Variants in MUC4 observed in about 807,000 individuals in gnomAD.
MUC4 encodes mucin 4, cell surface associated.
MUC4 carries 202 observed loss-of-function variants against 257.9 expected under a neutral mutation model. The observed-to-expected ratio is 0.78, with a 90% CI of 0.70 to 0.88. The LOEUF is 0.88. Ranked by LOEUF, MUC4 falls within the 40% of genes least tolerant of loss-of-function variation. The probability of loss-of-function intolerance (pLI) is 0.00; values close to 1 mark genes in which losing one functional copy is unlikely to be tolerated. For missense variants in MUC4, 5,976 were observed against 6,513.7 expected (o/e 0.92, Z 2.84); for synonymous variants, 2,351 against 2,757.1 (o/e 0.85, Z 4.62).
At chr3:195,794,400 G>GAGAGAGAGAGAAAGAA (rs1734303208) in intron 1 of MUC4, among the ~76,000 whole-genome samples, 2 of 151,660 alleles carry the variant, frequency 1.3e-5, no homozygotes, top group African/African-American at 4.9e-5. Context: ...AGAAGAAAGA[G>GAGAGAGAGAGAAAGAA]AGAGAGAGAG....
At chr3:195,750,086 C>T (rs2148747890) in intron 23 of MUC4, 1 of 152,414 alleles carries the variant, frequency 6.6e-6, no homozygotes, top group South Asian at 2.1e-4. Context: ...CTTGCTTGGT[C>T]CCAGACCCAA....
At chr3:195,798,682 T>A (rs371943393) in intron 1 of MUC4, among the ~76,000 whole-genome samples, 4 of 152,114 alleles carry the variant, frequency 2.6e-5, no homozygotes, top group South Asian at 4.1e-4. Context: ...CCTGCCTGGG[T>A]GACAGAGTGA....
In MUC4 at chr3:195,797,037, G is replaced by A. The variant is rs575364550; in HGVS notation, c.83-5540C>T. 3.2e-4 allele frequency among the ~76,000 whole-genome samples: 49 copies of A among 152,284 alleles called. No individual in the cohort carries two copies. In the South Asian group the frequency reaches 9.1e-3, roughly 28 times the overall value. On this transcript the variant is annotated intron_variant, in intron 1 of 24. Transcript: ENST00000463781. ...GCAGGCGGATCACTTGAGGCCGGGA[G>A]TTCCAGACCAGCCTGGCCAACCTAG... is the stretch of plus-strand genomic sequence containing the variant.
In MUC4 at chr3:195,788,930, T is replaced by C; in HGVS notation, c.2650A>G (p.Arg884Gly). 6.2e-7 allele frequency: 1 copy of C among 1,613,588 alleles called. No homozygotes were observed. The highest frequency in any genetic ancestry group is 8.5e-7 in the Non-Finnish European group (1 of 1,179,724). ...GTTGGGCTTGACTGTCCTGTCGGTC[T>C]CCCTGCAGTGGAGGCCTCAGAGAGG... is the stretch of plus-strand genomic sequence containing the variant. The part of the protein sequence containing the change: ...PTLSEASTAG[R>G]PTGQSSPTSP... Residue 884 changes from arginine to glycine, a missense_variant, in exon 2 of 25, where the codon AGA (arginine) becomes GGA (glycine). Physicochemically the swap from Arg to Gly is moderately radical, Grantham distance 125 (BLOSUM62 -2). Transcript: ENST00000463781.
chr3:195,754,780 ATGTG>A (rs556307760), intron 18 of MUC4, among the ~76,000 whole-genome samples: 30 of 151,272 alleles, frequency 2.0e-4, no homozygotes, highest in Admixed American at 1.4e-3. Context: ...CCATGTATGT[ATGTG>A]TGTATCCATG....
At chr3:195,771,929 C>T (rs1722967707) in intron 4 of MUC4, 113 bp from the exon 5 acceptor site, 1 of 1,176,408 alleles carries the variant, frequency 8.5e-7, no homozygotes, top group Non-Finnish European at 1.2e-6. Context: ...TTTAGAGATG[C>T]TAACAACCCC....
chr3:195,783,000 A>C lies in MUC4; in HGVS notation c.8580T>G (p.Gly2860=). The C allele has an allele frequency of 6.7e-7, 1 of 1,500,876 alleles. No individual in the cohort carries two copies. The highest frequency in any genetic ancestry group is 8.9e-7 in the Non-Finnish European group (1 of 1,117,488). The allele number at this position is 1,500,876 out of a possible 1,614,324, so 93.0% of individuals were successfully genotyped here. A position where few individuals can be genotyped will look rare whatever the true frequency, so the allele number is the denominator to read the frequency against. Residue 2860 remains glycine, a synonymous_variant, in exon 2 of 25, where the codon GGT becomes GGG. Transcript: ENST00000463781. Reference sequence around the variant, plus strand: ...CGGTGACAGGAAGAGAGGTGGCGTGACCTGTGGACACTGAGGAAGCGTCGG... The same window carrying C: ...CGGTGACAGGAAGAGAGGTGGCGTGCCCTGTGGACACTGAGGAAGCGTCGG... ...PVTDASSVST[G]HATSLPVTDA...
chr3:195,778,684 G>T (rs977157259), intron 2 of MUC4, 106 bp downstream of exon 2: 118 of 1,369,590 alleles, frequency 8.6e-5, no homozygotes, highest in Admixed American at 2.0e-4. Context: ...ACCTGACACG[G>T]CCCCACCAGG....
At position 195,787,691 on chromosome 3, in the gene MUC4, G is replaced by C; in HGVS notation, c.3889C>G (p.Leu1297Val). ...SSASTGHVTP[L>V]HVTSPSSAST... Reference sequence around the variant, plus strand: ...GCTGAGGAAGGGCTGGTGACATGAAGAGGAGTGACGTGACCTGTGGATGCT... The same window carrying C: ...GCTGAGGAAGGGCTGGTGACATGAACAGGAGTGACGTGACCTGTGGATGCT... The change falls in exon 2 of 25, where the codon CTT (leucine) becomes GTT (valine). Residue 1297 changes from leucine (L) to valine (V), a missense_variant. Around this residue, in one of 44 missense-constraint regions of MUC4, gnomAD observed 19 missense variants for 57.2 expected, o/e 0.33. Transcript: ENST00000463781. 1 of 625,376 alleles carries C rather than the reference G, an allele frequency of 1.6e-6. No homozygotes were observed. The highest frequency in any genetic ancestry group is 2.4e-6 in the Non-Finnish European group (1 of 420,892). 38.7% of individuals were successfully genotyped at this position (625,376 alleles called of 1,614,324 possible).
intron 12 of MUC4, 74 bp from the exon 13 acceptor site, chr3:195,763,019 C>A: frequency 7.9e-7 from 1 of 1,267,002 alleles, no homozygotes; most frequent in Non-Finnish European, 1.1e-6. Flanking sequence ...GCTGGGAGAG[C>A]CCCTGGGGCT....
chr3:195,774,343 G>A (rs1723859973), intron 3 of MUC4, 38 bp from the exon 4 acceptor site: 2 of 1,486,244 alleles, frequency 1.3e-6, no homozygotes, highest in Non-Finnish European at 1.8e-6. Context: ...GTCCAAGTGG[G>A]CCTGGGCCTT....
rs748432606 is a variant in MUC4 at position 195,757,433 on chromosome 3, C to G, written c.14987-105G>C. ...CCACCCCTCTCAGGCCACCCTCCCC[C>G]TCCCCAGACAAATCTCATTGGTCAT... On this transcript the variant is annotated intron_variant, in intron 17 of 24. Transcript: ENST00000463781. The surrounding 1 kb of genome is among the most constrained non-coding windows in gnomAD (Gnocchi z 4.8). The G allele has an allele frequency of 5.8e-6, 6 of 1,042,082 alleles. No homozygotes were observed. In the Admixed American group the frequency reaches 1.6e-4, roughly 27 times the overall value. The allele number at this position is 1,042,082 out of a possible 1,614,324, so 64.6% of individuals were successfully genotyped here.
At chr3:195,798,522 T>A (rs3107746) in intron 1 of MUC4, among the ~76,000 whole-genome samples, 1 of 151,638 alleles carries the variant, frequency 6.6e-6, no homozygotes, top group Non-Finnish European at 1.5e-5. Context: ...GCTAACAGGG[T>A]GAACCCCCGT....
Position 195,764,161 on chromosome 3 carries a change from T to C in MUC4, c.13928A>G (p.Gln4643Arg). 2 of 1,565,526 alleles carry C rather than the reference T, an allele frequency of 1.3e-6. No individual in the cohort carries two copies. The highest frequency in any genetic ancestry group is 1.7e-6 in the Non-Finnish European group (2 of 1,155,366). Residue 4643 changes from glutamine to arginine, a missense_variant, in exon 11 of 25, where the codon CAG becomes CGG. Coordinates refer to ENST00000463781, the MANE Select transcript of MUC4 (RefSeq NM_018406.7). ...GCACCAGCTCTGTGGCTCCAGTTCC[T>C]GGGCTGCGGAGAACAGCAGTGAGTC... The part of the protein sequence containing the change: ...WHVQRPWQLA[Q>R]ELEPQSWCCR...
At chr3:195,809,642 CCTT>C (rs371504486) in intron 1 of MUC4, 79 of 152,730 alleles carry the variant, frequency 5.2e-4, no homozygotes, top group African/African-American at 1.9e-3. Flanking sequence ...GTCCTTCACT[CCTT>C]CTCCGGGTCA....
intron 18 of MUC4, among the ~76,000 whole-genome samples, chr3:195,754,959 CAT>C: frequency 6.6e-6 from 1 of 151,674 alleles, no homozygotes; most frequent in South Asian, 2.1e-4. Flanking sequence ...TGTGTGTATC[CAT>C]GTGTGTATGT....
At chr3:195,800,291 A>AT (rs1291061843) in intron 1 of MUC4, among the ~76,000 whole-genome samples, 1 of 151,908 alleles carries the variant, frequency 6.6e-6, no homozygotes, top group African/African-American at 2.4e-5. Context: ...AAAAAAAAAA[A>AT]TTCTTGCTAA....
intron 1 of MUC4, among the ~76,000 whole-genome samples, chr3:195,796,698 A>T (rs1393841364): frequency 6.6e-6 from 1 of 152,102 alleles, no homozygotes; most frequent in Non-Finnish European, 1.5e-5. Context: ...CTCAAAAAAA[A>T]ATATGTATAT....
At position 195,779,243 on chromosome 3, in the gene MUC4, G is replaced by T; in HGVS notation, c.12337C>A (p.Leu4113Ile). The T allele has an allele frequency of 7.3e-7, 1 of 1,377,494 alleles. No homozygotes were observed. Among genetic ancestry groups the T allele is most frequent in the Non-Finnish European group, 9.7e-7 (1 of 1,032,958 alleles). The allele number at this position is 1,377,494 out of a possible 1,614,324, so 85.3% of individuals were successfully genotyped here. A position where few individuals can be genotyped will look rare whatever the true frequency, so the allele number is the denominator to read the frequency against. Residue 4113 changes from leucine to isoleucine, a missense_variant, in exon 2 of 25, where the codon CTT becomes ATT. Physicochemically the swap from Leu to Ile is conservative, Grantham distance 5. Transcript: ENST00000463781. ...SSVSTGDTTPLPVTDTSSAST... is the reference protein window; with the variant it reads ...SSVSTGDTTPIPVTDTSSAST... ...GCAGAGGAAGTGTCGGTGACAGGAA[G>T]AGGCGTGGTGTCACCTGTGGATACT...
Sources: allele counts gnomAD v4.1 joint callset (sites outside exome capture counted in the v4.1 genomes callset), GRCh38; gene constraint gnomAD v4.1.1; regional missense constraint gnomAD v4.1.1; non-coding constraint Gnocchi (gnomAD v3.1); transcripts MANE v1.5; gene names NCBI Gene and HGNC (gene_info 2026-07-23, HGNC 2026-07-21).